PDIA6: variants seen among roughly 807,000 people sequenced by gnomAD.
PDIA6 encodes the protein protein disulfide-isomerase A6.
In PDIA6, 29 loss-of-function variants were observed where a neutral mutation model predicts 58.4. The ratio of observed to expected loss-of-function variants is 0.50; its 90% CI spans 0.37 to 0.68. The LOEUF (loss-of-function observed/expected upper bound fraction) is 0.68. Among genes scored for constraint, PDIA6 ranks in the 30% least tolerant of loss-of-function variants. PDIA6 has a pLI of 0.00. For missense variants in PDIA6, 480 were observed against 551.0 expected, an observed-to-expected ratio of 0.87 and a Z score of 1.29; for synonymous variants, 192 against 202.6, an observed-to-expected ratio of 0.95 and a Z score of 0.44.
chr2:10,787,226 AC>A, intron 11 of PDIA6, 54 bp downstream of exon 11: 1 of 1,517,628 alleles, frequency 6.6e-7, no homozygotes, highest in Non-Finnish European at 9.2e-7. Context: ...ATATAAACCT[AC>A]AACAGAACCA....
chr2:10,785,510 G>A (rs999806938), intron 11 of PDIA6, among the ~76,000 whole-genome samples: 1 of 152,120 alleles, frequency 6.6e-6, no homozygotes, highest in African/African-American at 2.4e-5. Flanking sequence ...TAATCTGGCT[G>A]TTGGGAAACC....
chr2:10,835,455 C>T (rs563014010), upstream of PDIA6, among the ~76,000 whole-genome samples: 12 of 152,254 alleles, frequency 7.9e-5, no homozygotes, highest in Admixed American at 7.2e-4. Flanking sequence ...GAAGCCCAGT[C>T]CCCAGCCTGG....
intron 1 of PDIA6, among the ~76,000 whole-genome samples, chr2:10,820,304 G>T (rs1667346141): frequency 6.6e-6 from 1 of 152,170 alleles, no homozygotes; most frequent in African/African-American, 2.4e-5. Context: ...TCTACAGAGG[G>T]CATGAAAAAT....
At chr2:10,818,058 C>T (rs1667254533) in intron 2 of PDIA6, among the ~76,000 whole-genome samples, 1 of 152,012 alleles carries the variant, frequency 6.6e-6, no homozygotes, top group Non-Finnish European at 1.5e-5. Flanking sequence ...TTCTGAGGTT[C>T]AGATCATAGG....
chr2:10,789,259 CACTT>C (rs71933401), intron 8 of PDIA6, among the ~76,000 whole-genome samples: 38,225 of 151,936 alleles, frequency 0.25, 5,367 homozygotes, highest in East Asian at 0.39. Flanking sequence ...CTGGCTCTGC[CACTT>C]ACTTGTTTAA....
At chr2:10,796,215 G>A (rs1018280011) in intron 4 of PDIA6, among the ~76,000 whole-genome samples, 3 of 152,056 alleles carry the variant, frequency 2.0e-5, no homozygotes, top group Admixed American at 6.6e-5. Flanking sequence ...CACCGTGCCC[G>A]GCTAATTTTT....
At chr2:10,801,237 T>C (rs1666499434) in intron 2 of PDIA6, among the ~76,000 whole-genome samples, 1 of 152,250 alleles carries the variant, frequency 6.6e-6, no homozygotes, top group African/African-American at 2.4e-5. Flanking sequence ...GTGATCATGC[T>C]GCTGCACTCT....
At chr2:10,791,033 G>A (rs563861472) in intron 6 of PDIA6, among the ~76,000 whole-genome samples, 200 bp from the exon 7 acceptor site, 15 of 152,268 alleles carry the variant, frequency 9.9e-5, no homozygotes, top group African/African-American at 1.9e-4. Context: ...TTTTAGTAGA[G>A]ATAGGGTTTC....
At chr2:10,827,924 T>C (rs1050097359) in intron 1 of PDIA6, among the ~76,000 whole-genome samples, 16 of 152,102 alleles carry the variant, frequency 1.1e-4, no homozygotes, top group Admixed American at 9.2e-4. Flanking sequence ...TTTAATGCAA[T>C]GTAATAAAAT....
chr2:10,799,149 C>A (rs149639498), intron 2 of PDIA6, among the ~76,000 whole-genome samples: 4 of 152,164 alleles, frequency 2.6e-5, no homozygotes, highest in Non-Finnish European at 5.9e-5. Context: ...ATTACATGTG[C>A]GTAAACCTAT....
rs138093672 is a variant in PDIA6, at chr2:10,820,619, A to G, written c.-47-1265T>C. On this transcript the variant is annotated intron_variant, in intron 1 of 13. Coordinates refer to the PDIA6 transcript ENST00000381611. ...TCAGGCTATTCTTCGTTAGGAAAAA[A>G]ATAATTTCTTGAGCTGTTTTTTGTT... Among the ~76,000 whole-genome samples the G allele has an allele frequency of 9.8e-4, 150 of 152,334 alleles. 2 individuals carry two copies. In the East Asian group the frequency reaches 0.025, roughly 26 times the overall value.
At position 10,784,487 on chromosome 2, in the gene PDIA6, C is replaced by T. The variant is rs141845870; in HGVS notation, c.1255-161G>A. On this transcript the variant is annotated intron_variant, in intron 12 of 12. Transcript: ENST00000272227. ...CCTGACCTTCGTACCTATGATTATA[C>T]GGATGGAAAAGCTCAGAACTCAGGT... The T allele has an allele frequency of 3.6e-3, 2,063 of 565,234 alleles. 10 individuals are homozygous for T. Among genetic ancestry groups the T allele is most frequent in the African/African-American group, 0.012 (647 of 53,240 alleles). 35.0% of individuals were successfully genotyped at this position (565,234 alleles called of 1,614,324 possible). A position where few individuals can be genotyped will look rare whatever the true frequency, so the allele number is the denominator to read the frequency against.
intron 5 of PDIA6, among the ~76,000 whole-genome samples, chr2:10,792,447 A>G (rs1316943519): frequency 1.3e-5 from 2 of 152,230 alleles, no homozygotes; most frequent in East Asian, 3.8e-4. Context: ...AACTATGCTC[A>G]TTAAATGTCT....
chr2:10,792,004 T>A (rs1666057436), intron 5 of PDIA6, 79 bp from the exon 6 acceptor site: 1 of 1,410,652 alleles, frequency 7.1e-7, no homozygotes, highest in African/African-American at 1.4e-5. Context: ...ACACTACTGC[T>A]ACATCTTAAC....
intron 1 of PDIA6, among the ~76,000 whole-genome samples, chr2:10,804,076 T>G (rs112494532): frequency 0.077 from 11,698 of 151,610 alleles, 1,504 homozygotes; most frequent in African/African-American, 0.27. Flanking sequence ...GCCTGGCTAA[T>G]TTTTTGTATT....
At chr2:10,786,050 T>C (rs910000844) in intron 11 of PDIA6, among the ~76,000 whole-genome samples, 41 of 152,006 alleles carry the variant, frequency 2.7e-4, no homozygotes, top group East Asian at 5.9e-4. Context: ...TGGCCAGGCG[T>C]GGTGGCTCAC....
intron 6 of PDIA6, among the ~76,000 whole-genome samples, chr2:10,791,550 C>T (rs766896704): frequency 8.5e-5 from 13 of 152,238 alleles, no homozygotes; most frequent in Non-Finnish European, 1.6e-4. Context: ...CTACCCTTCA[C>T]ATGAGCTTCC....
intron 1 of PDIA6, among the ~76,000 whole-genome samples, chr2:10,820,285 G>A (rs1235034499): frequency 1.3e-5 from 2 of 152,124 alleles, no homozygotes; most frequent in East Asian, 1.9e-4. Context: ...CTGGGGAGGT[G>A]GTGTCTGATC....
At chr2:10,815,124 AAATGCACAGG>A (rs1667153508), upstream of PDIA6, among the ~76,000 whole-genome samples, 4 of 149,886 alleles carry the variant, frequency 2.7e-5, no homozygotes, top group African/African-American at 7.5e-5. Flanking sequence ...AGGCTTCTGG[AAATGCACAGG>A]CTTCTGGAAA....
Sources: gnomAD v4.1 joint callset for allele counts (sites outside exome capture counted in the v4.1 genomes callset) on GRCh38, gnomAD v4.1.1 for gene constraint, MANE v1.5 for transcripts, NCBI Gene and HGNC (gene_info 2026-07-23, HGNC 2026-07-21) for gene names.